The following GBF1 variants were observed in gnomAD, a reference collection of about 807,000 sequenced individuals.
GBF1 encodes Golgi-specific brefeldin A-resistance guanine nucleotide exchange factor 1.
In GBF1, 114 loss-of-function variants were observed where a neutral mutation model predicts 210.5. The ratio of observed to expected loss-of-function variants is 0.54; its 90% CI spans 0.47 to 0.63. The LOEUF (loss-of-function observed/expected upper bound fraction) is 0.63, where lower values mean the gene tolerates loss of function less well. Ranked by LOEUF, GBF1 falls within the 30% of genes least tolerant of loss-of-function variation. The pLI is 0.00. For synonymous variants in GBF1, 850 were observed against 889.2 expected, an observed-to-expected ratio of 0.96 and a Z score of 0.78; for missense variants, 1,851 against 2,357.7, an observed-to-expected ratio of 0.79 and a Z score of 4.45.
At chr10:102,346,851 G>A (rs968885816) in intron 4 of GBF1, among the ~76,000 whole-genome samples, 1 of 152,038 alleles carries the variant, frequency 6.6e-6, no homozygotes, top group Non-Finnish European at 1.5e-5. Flanking sequence ...TGAATTTCCT[G>A]TCCTTCACTT....
chr10:102,234,047 C>G, the GBF1 span, among the ~76,000 whole-genome samples: 1 of 152,202 alleles, frequency 6.6e-6, no homozygotes, highest in African/African-American at 2.4e-5. Context: ...TGGGAGGGGC[C>G]TCTCTGCCTC....
intron 1 of GBF1, among the ~76,000 whole-genome samples, chr10:102,246,591 A>G (rs1005940276): frequency 1.3e-5 from 2 of 152,206 alleles, no homozygotes; most frequent in African/African-American, 4.8e-5. Flanking sequence ...AAAGTTTGGT[A>G]TTGTCGGCCT....
intron 3 of GBF1, among the ~76,000 whole-genome samples, chr10:102,297,926 T>G (rs931529443): frequency 5.3e-5 from 8 of 152,058 alleles, no homozygotes; most frequent in South Asian, 2.1e-4. Context: ...AGTAGTTTTG[T>G]TTTTGGTTTT....
At chr10:102,333,856 G>A (rs1193566829) in intron 3 of GBF1, among the ~76,000 whole-genome samples, 1 of 152,094 alleles carries the variant, frequency 6.6e-6, no homozygotes, top group Non-Finnish European at 1.5e-5. Context: ...TATTCCTGGG[G>A]TGTACAGCAT....
At chr10:102,231,186 C>G in the GBF1 span, 14 of 1,294,088 alleles carry the variant, frequency 1.1e-5, no homozygotes, top group East Asian at 3.7e-4. Context: ...GGCTTCCAGC[C>G]GGGGCCCTGC....
At chr10:102,263,702 T>C (rs1363703129) in intron 3 of GBF1, among the ~76,000 whole-genome samples, 1 of 152,234 alleles carries the variant, frequency 6.6e-6, no homozygotes, top group Non-Finnish European at 1.5e-5. Flanking sequence ...CACAGATGTA[T>C]GTCATTGGAC....
intron 13 of GBF1, among the ~76,000 whole-genome samples, 166 bp from the exon 14 acceptor site, chr10:102,361,552 C>G (rs1388106524): frequency 1.3e-5 from 2 of 152,168 alleles, no homozygotes; most frequent in Non-Finnish European, 2.9e-5. Flanking sequence ...AACATGGAGG[C>G]CAAAGAAGAG....
At chr10:102,379,116 G>A (rs570618659) in intron 33 of GBF1, among the ~76,000 whole-genome samples, 168 bp from the exon 34 acceptor site, 9 of 152,264 alleles carry the variant, frequency 5.9e-5, no homozygotes, top group African/African-American at 2.2e-4. Flanking sequence ...ACAAGGACTG[G>A]AACAACCAGG....
At chr10:102,288,736 C>CAA (rs551813534) in intron 3 of GBF1, among the ~76,000 whole-genome samples, 24 of 130,504 alleles carry the variant, frequency 1.8e-4, no homozygotes, top group East Asian at 1.3e-3. Context: ...AAAAAAAAAA[C>CAA]AAAAAAAAAA....
intron 13 of GBF1, 31 bp downstream of exon 13, chr10:102,361,151 G>A: frequency 1.7e-6 from 2 of 1,148,400 alleles, no homozygotes; most frequent in Non-Finnish European, 2.6e-6. Flanking sequence ...AGAAAAGGGG[G>A]AAAAAAAATA....
chr10:102,325,287 G>A (rs1029058254), intron 3 of GBF1, among the ~76,000 whole-genome samples: 7 of 152,200 alleles, frequency 4.6e-5, no homozygotes, highest in Middle Eastern at 3.4e-3. Context: ...AGTGGCTCAC[G>A]CCTGTAATCC....
chr10:102,266,913 C>G (rs1469589835), intron 3 of GBF1, among the ~76,000 whole-genome samples: 1 of 152,136 alleles, frequency 6.6e-6, no homozygotes, highest in Non-Finnish European at 1.5e-5. Flanking sequence ...ACAAACACAC[C>G]TGTAGGGTAC....
chr10:102,291,092 G>A (rs940726163), intron 3 of GBF1, among the ~76,000 whole-genome samples: 9 of 152,022 alleles, frequency 5.9e-5, no homozygotes, highest in Middle Eastern at 3.2e-3. Context: ...CATGTATCAG[G>A]TTCTTTCATA....
Position 102,379,836 on chromosome 10 carries a change from A to T in GBF1, c.4777-17A>T. On this transcript the variant is annotated splice_polypyrimidine_tract_variant and intron_variant, in intron 35 of 39. Coordinates refer to ENST00000369983, the MANE Select transcript of GBF1 (RefSeq NM_001377137.1). ...GCTGAACCTCATAGGGAGACATTGC[A>T]CATTTACCCCCACCAGGTGCTGTTT... is the stretch of plus-strand genomic sequence containing the variant. 6.3e-7 allele frequency: 1 copy of T among 1,587,164 alleles called. No homozygotes were observed. The highest frequency in any genetic ancestry group is 8.7e-7 in the Non-Finnish European group (1 of 1,155,982).
At chr10:102,231,762 G>T in the GBF1 span, 1 of 1,606,456 alleles carries the variant, frequency 6.2e-7, no homozygotes, top group East Asian at 2.2e-5. Flanking sequence ...GGGAGCCGCC[G>T]GGCAGCGAAG....
In GBF1 at chr10:102,366,233, T is replaced by C; in HGVS notation, c.2310-150T>C. The C allele has an allele frequency of 1.4e-6, 1 of 718,378 alleles. No homozygotes were observed. Among genetic ancestry groups the C allele is most frequent in the East Asian group, 2.6e-5 (1 of 38,538 alleles). The allele number at this position is 718,378 out of a possible 1,614,324, so 44.5% of individuals were successfully genotyped here. A position where few individuals can be genotyped will look rare whatever the true frequency, so the allele number is the denominator to read the frequency against. On this transcript the variant is annotated intron_variant, in intron 18 of 39. Transcript: ENST00000369983. This position sits in a 1 kb window ranked among gnomAD's most constrained non-coding sequence, Gnocchi z 4.0. ...TGAAAAGTATTAAGGCTAGGGGTTGTGTTAGGGATGAACAGGAGATACTGC... is the reference window on the plus strand; with the variant it reads ...TGAAAAGTATTAAGGCTAGGGGTTGCGTTAGGGATGAACAGGAGATACTGC...
intron 3 of GBF1, among the ~76,000 whole-genome samples, chr10:102,305,234 A>AGTGAAATAATATTAAGAG (rs1405003654): frequency 6.7e-6 from 1 of 150,228 alleles, no homozygotes; most frequent in Non-Finnish European, 1.5e-5. Context: ...TGATCACCTC[A>AGTGAAATAATATTAAGAG]GTGAAATAAT....
chr10:102,368,776 G>T lies in GBF1; in HGVS notation c.2917G>T (p.Asp973Tyr), dbSNP rs1418489614. The change falls in exon 23 of 40, where the codon GAT (aspartate) becomes TAT (tyrosine). Residue 973 changes from aspartate to tyrosine, a missense_variant. Around this residue, in one of 3 missense-constraint regions of GBF1, gnomAD observed 967 missense variants for 1,247.7 expected, o/e 0.78. Coordinates refer to ENST00000369983, the MANE Select transcript of GBF1 (RefSeq NM_001377137.1). ...GATCTCCGCCCACTATGGCCTCAGC[G>T]ATGTGTTTGACAATCTCATCATCTC... The part of the protein sequence containing the change: ...AMISAHYGLS[D>Y]VFDNLIISLC... 1 of 1,613,446 alleles carries T rather than the reference G, an allele frequency of 6.2e-7. No individual in the cohort carries two copies. The highest frequency in any genetic ancestry group is 8.5e-7 in the Non-Finnish European group (1 of 1,179,556).
At chr10:102,270,407 C>T (rs1440073733) in intron 3 of GBF1, among the ~76,000 whole-genome samples, 2 of 152,154 alleles carry the variant, frequency 1.3e-5, no homozygotes, top group Non-Finnish European at 2.9e-5. Context: ...CTCGGCCTCC[C>T]AAAGTGCTGG....
Sources: gnomAD v4.1 joint callset for allele counts (sites outside exome capture counted in the v4.1 genomes callset) on GRCh38, gnomAD v4.1.1 for gene constraint, gnomAD v4.1.1 regional missense constraint, Gnocchi (gnomAD v3.1) non-coding constraint, MANE v1.5 for transcripts, NCBI Gene and HGNC (gene_info 2026-07-23, HGNC 2026-07-21) for gene names.